The following ARPC1A variants were observed in gnomAD, a reference collection of about 807,000 sequenced individuals.
ARPC1A encodes actin-related protein 2/3 complex subunit 1A.
A neutral mutation model predicts 46.9 loss-of-function variants in ARPC1A; 8 were observed. The ratio of observed to expected loss-of-function variants is 0.17; its 90% confidence interval spans 0.10 to 0.31. The LOEUF is 0.31. ARPC1A is among the 10% of genes least tolerant of loss of function. ARPC1A has a pLI of 1.00. For missense variants in ARPC1A, 286 were observed against 483.6 expected (o/e 0.59, Z 3.83); for synonymous variants, 152 against 169.0 (o/e 0.90, Z 0.78).
chr7:99,357,715 T>C (rs1793664387), intron 6 of ARPC1A, among the ~76,000 whole-genome samples: 1 of 152,180 alleles, frequency 6.6e-6, no homozygotes, highest in African/African-American at 2.4e-5. Context: ...CATATCTGTG[T>C]AATCTCTTTG....
At chr7:99,328,638 A>T (rs1416436506) in intron 1 of ARPC1A, among the ~76,000 whole-genome samples, 3 of 151,976 alleles carry the variant, frequency 2.0e-5, no homozygotes, top group African/African-American at 7.3e-5. Context: ...ATGACTCTGT[A>T]CTCAGTGATA....
chr7:99,358,253 T>G (rs1793675026), intron 6 of ARPC1A, 87 bp from the exon 7 acceptor site: 587 of 1,336,722 alleles, frequency 4.4e-4, no homozygotes, highest in Non-Finnish European at 5.7e-4. Context: ...GAAGCCCCTG[T>G]GAGAATGGGT....
intron 1 of ARPC1A, among the ~76,000 whole-genome samples, chr7:99,329,089 A>G (rs906270128): frequency 3.9e-5 from 6 of 152,132 alleles, no homozygotes; most frequent in Admixed American, 1.3e-4. Flanking sequence ...TCACGAGGTC[A>G]GGATATCGAG....
chr7:99,328,283 C>G (rs906463695), intron 1 of ARPC1A, among the ~76,000 whole-genome samples: 1 of 152,018 alleles, frequency 6.6e-6, no homozygotes, highest in Non-Finnish European at 1.5e-5. Context: ...GCTGGAGAAT[C>G]GCTTGAACCC....
chr7:99,339,853 C>T, intron 3 of ARPC1A: 1 of 380,522 alleles, frequency 2.6e-6, no homozygotes, highest in Non-Finnish European at 5.6e-6. Context: ...GTGTTAATAC[C>T]ACAGGGTATG....
chr7:99,326,245 G>A (rs1322387732), intron 1 of ARPC1A, among the ~76,000 whole-genome samples: 1 of 152,168 alleles, frequency 6.6e-6, no homozygotes, highest in Non-Finnish European at 1.5e-5. Context: ...CGAATTAACG[G>A]CCCCTTCTGC....
In ARPC1A at chr7:99,350,708, C is replaced by T. The variant is rs377352718; in HGVS notation, c.500+1749C>T. Among the ~76,000 whole-genome samples the T allele has an allele frequency of 7.0e-4, 89 of 127,380 alleles. 1 individual carries two copies. Among genetic ancestry groups the T allele is most frequent in the African/African-American group, 2.4e-3 (81 of 33,600 alleles). 83.6% of individuals were successfully genotyped at this position (127,380 alleles called of 152,430 possible). On this transcript the variant is annotated intron_variant, in intron 5 of 9. Transcript: ENST00000262942. ...TCACCCAGGCTGGAGTGTGGTGGTG[C>T]GATCATAGCTCCCTGCAGCTTCGAC...
chr7:99,339,863 G>A (rs1225939307), intron 3 of ARPC1A: 5 of 408,844 alleles, frequency 1.2e-5, no homozygotes, highest in African/African-American at 1.0e-4. Flanking sequence ...CACAGGGTAT[G>A]CATATCTGCA....
intron 1 of ARPC1A, among the ~76,000 whole-genome samples, chr7:99,326,641 C>T (rs1247619709): frequency 2.0e-5 from 3 of 152,212 alleles, no homozygotes; most frequent in Non-Finnish European, 2.9e-5. Context: ...TGCTTCTCTG[C>T]GCCTGTTTCC....
At chr7:99,336,255 G>A (rs1793249041) in intron 2 of ARPC1A, among the ~76,000 whole-genome samples, 1 of 152,028 alleles carries the variant, frequency 6.6e-6, no homozygotes, top group African/African-American at 2.4e-5. Context: ...GTTTAAATTT[G>A]GACTTGGCTT....
intron 2 of ARPC1A, 141 bp downstream of exon 2, chr7:99,333,558 T>A: frequency 4.1e-6 from 3 of 733,334 alleles, no homozygotes; most frequent in Non-Finnish European, 6.5e-6. Context: ...GGGAACTAAG[T>A]CAGTCCTTTG....
At chr7:99,355,334 C>G (rs933407456) in intron 6 of ARPC1A, among the ~76,000 whole-genome samples, 1 of 151,902 alleles carries the variant, frequency 6.6e-6, no homozygotes. Context: ...GACACAAATT[C>G]TCCGGTTGGA....
intron 7 of ARPC1A, 48 bp from the exon 8 acceptor site, chr7:99,359,490 AGGAGGTG>A (rs1793701544): frequency 6.4e-7 from 1 of 1,569,114 alleles, no homozygotes; most frequent in African/African-American, 1.4e-5. Context: ...CACTCTGCCA[AGGAGGTG>A]GGCGGTGGGC....
intron 1 of ARPC1A, among the ~76,000 whole-genome samples, chr7:99,329,636 T>C (rs1023247752): frequency 3.9e-5 from 6 of 152,230 alleles, no homozygotes; most frequent in African/African-American, 1.2e-4. Context: ...AGGTCTTAAG[T>C]GTATGTCCAA....
chr7:99,339,816 A>T (rs2150862928), intron 3 of ARPC1A: 1 of 314,332 alleles, frequency 3.2e-6, no homozygotes, highest in South Asian at 2.5e-5. Context: ...TTCTGTACGT[A>T]TGTGTGAATG....
At chr7:99,328,313 G>A (rs1793085094) in intron 1 of ARPC1A, among the ~76,000 whole-genome samples, 1 of 152,170 alleles carries the variant, frequency 6.6e-6, no homozygotes, top group Non-Finnish European at 1.5e-5. Context: ...AGGTTGCGGT[G>A]AGCTGAGATC....
intron 8 of ARPC1A, chr7:99,359,952 C>T: frequency 3.3e-6 from 2 of 604,802 alleles, no homozygotes; most frequent in South Asian, 3.9e-5. Context: ...TCATTCTGTC[C>T]TTCAAGGTGC....
intron 2 of ARPC1A, among the ~76,000 whole-genome samples, chr7:99,335,114 G>T (rs1793220072): frequency 6.6e-6 from 1 of 152,026 alleles, no homozygotes; most frequent in South Asian, 2.1e-4. Context: ...AAAGTGCTGG[G>T]ATTACAGGTG....
At chr7:99,356,176 A>G (rs1249934338) in intron 6 of ARPC1A, among the ~76,000 whole-genome samples, 1 of 152,198 alleles carries the variant, frequency 6.6e-6, no homozygotes, top group Non-Finnish European at 1.5e-5. Context: ...AATCAATCAC[A>G]CTGGGTGACC....
Sources: gnomAD v4.1 joint callset for allele counts (sites outside exome capture counted in the v4.1 genomes callset) on GRCh38, gnomAD v4.1.1 for gene constraint, MANE v1.5 for transcripts, NCBI Gene and HGNC (gene_info 2026-07-23, HGNC 2026-07-21) for gene names.